The following UEVLD variants were observed in gnomAD, a reference collection of about 807,000 sequenced individuals.
The protein encoded by UEVLD is UEV and lactate/malate dehyrogenase domains.
A neutral mutation model predicts 58.6 loss-of-function variants in UEVLD; 47 were observed. The observed-to-expected ratio is 0.80, with a 90% CI of 0.63 to 1.02. The LOEUF (loss-of-function observed/expected upper bound fraction) is 1.02. Among genes scored for constraint, UEVLD ranks in the 50% least tolerant of loss-of-function variants. The pLI, the probability that UEVLD is intolerant of heterozygous loss-of-function variation, is 0.00. For synonymous variants in UEVLD, 197 were observed against 195.3 expected (o/e 1.01, Z -0.07); for missense variants, 510 against 550.6 (o/e 0.93, Z 0.74).
chr11:18,569,092 C>T (rs1852453996), intron 4 of UEVLD, among the ~76,000 whole-genome samples: 1 of 152,110 alleles, frequency 6.6e-6, no homozygotes, highest in South Asian at 2.1e-4. Context: ...GACAGGGTTT[C>T]ACTGCGTTAG....
intron 9 of UEVLD, among the ~76,000 whole-genome samples, chr11:18,541,096 G>A (rs35715013): frequency 2.0e-5 from 3 of 152,106 alleles, no homozygotes; most frequent in African/African-American, 7.2e-5. Context: ...TAGGGTAAGT[G>A]GTATATTTAT....
chr11:18,572,624 G>C (rs1200900029), intron 3 of UEVLD, among the ~76,000 whole-genome samples: 1 of 152,104 alleles, frequency 6.6e-6, no homozygotes, highest in Non-Finnish European at 1.5e-5. Flanking sequence ...GACCAACATG[G>C]AGAAACCTCA....
chr11:18,540,644 C>T (rs11024706), intron 9 of UEVLD, among the ~76,000 whole-genome samples: 24,498 of 152,168 alleles, frequency 0.16, 2,578 homozygotes, highest in East Asian at 0.41. Context: ...TGTTTTAACA[C>T]TGGCATTATG....
chr11:18,560,126 CACACACACACACAGAG>C (rs1199803531), intron 6 of UEVLD, among the ~76,000 whole-genome samples: 3 of 86,492 alleles, frequency 3.5e-5, no homozygotes, highest in Middle Eastern at 5.7e-3. Context: ...CACACACACA[CACACACACACACAGAG>C]AGAGAAAGAA....
rs1850499873 is a variant in UEVLD at position 18,529,911 on chromosome 11, A to C, written c.*2409T>G. 6.6e-6 allele frequency: 1 copy of C among 152,224 alleles called. No homozygotes were observed. The highest frequency in any genetic ancestry group is 2.1e-4 in the South Asian group (1 of 4,830). The allele number at this position is 152,224 out of a possible 1,614,324, so 9.4% of individuals were successfully genotyped here. On this transcript the variant is annotated 3_prime_UTR_variant, in exon 12 of 12. Coordinates refer to ENST00000396197, the MANE Select transcript of UEVLD (RefSeq NM_001040697.4). The stretch of plus-strand genomic sequence containing the variant: ...ACACTCAAGGAAATATCTGATACAG[A>C]GAATTACTTCTACATTGTGGCCTTC...
intron 8 of UEVLD, among the ~76,000 whole-genome samples, chr11:18,545,826 C>T (rs551824247): frequency 3.5e-4 from 53 of 152,160 alleles, no homozygotes; most frequent in African/African-American, 1.2e-3. Flanking sequence ...AAAACTGGTA[C>T]AAAAAACTAA....
At chr11:18,550,373 T>C (rs781387372) in intron 7 of UEVLD, among the ~76,000 whole-genome samples, 39 of 152,168 alleles carry the variant, frequency 2.6e-4, no homozygotes, top group Non-Finnish European at 4.7e-4. Flanking sequence ...TACCTAATTT[T>C]CCTGATACTG....
chr11:18,532,087 T>A lies in UEVLD; in HGVS notation c.*233A>T, dbSNP rs920613730. On this transcript the variant is annotated 3_prime_UTR_variant, in exon 12 of 12. Transcript: ENST00000396197. ...GATGAATGTTTACCCCTGCTGTAGA[T>A]TTAAAGAACAGCATAGATATCTCAA... is the stretch of plus-strand genomic sequence containing the variant. 6.2e-6 allele frequency: 2 copies of A among 320,834 alleles called. No homozygotes were observed. Among genetic ancestry groups the A allele is most frequent in the Non-Finnish European group, 1.1e-5 (2 of 178,208 alleles). 19.9% of individuals were successfully genotyped at this position (320,834 alleles called of 1,614,324 possible). A position where few individuals can be genotyped will look rare whatever the true frequency, so the allele number is the denominator to read the frequency against.
chr11:18,555,776 T>C (rs1331316943), intron 7 of UEVLD, among the ~76,000 whole-genome samples: 2 of 151,932 alleles, frequency 1.3e-5, no homozygotes, highest in African/African-American at 2.4e-5. Context: ...AGCAAGACCC[T>C]GTCTCTGCAA....
intron 6 of UEVLD, among the ~76,000 whole-genome samples, chr11:18,563,208 T>C (rs757120366): frequency 6.6e-6 from 1 of 152,224 alleles, no homozygotes; most frequent in Non-Finnish European, 1.5e-5. Context: ...AAATTAGTTC[T>C]GCCTTTCCAA....
chr11:18,551,464 G>A (rs371809064), intron 7 of UEVLD, among the ~76,000 whole-genome samples: 3 of 136,156 alleles, frequency 2.2e-5, no homozygotes, highest in Non-Finnish European at 3.3e-5. Context: ...AAGTTCATTC[G>A]ACAATAATGA....
At chr11:18,584,784 C>T (rs763685892) in intron 1 of UEVLD, among the ~76,000 whole-genome samples, 1 of 152,066 alleles carries the variant, frequency 6.6e-6, no homozygotes, top group Non-Finnish European at 1.5e-5. Flanking sequence ...AGGCCCATTG[C>T]AGGATGCCCG....
chr11:18,532,462 A>C lies in UEVLD; in HGVS notation c.1274T>G (p.Val425Gly). The C allele has an allele frequency of 6.2e-7, 1 of 1,611,914 alleles. No homozygotes were observed. The highest frequency in any genetic ancestry group is 1.3e-5 in the African/African-American group (1 of 74,940). The change falls in exon 12 of 12, where the codon GTG becomes GGG. Residue 425 changes from valine (V) to glycine (G), a missense_variant. By Grantham distance (109) the Val-to-Gly change is moderately radical (BLOSUM62 -3). Coordinates refer to ENST00000396197, the MANE Select transcript of UEVLD (RefSeq NM_001040697.4). Reference sequence around the variant, plus strand: ...AAGGATGCAAGGCAAACTTAAAAACACTTCACTATTTATATCATAATATCC... The same window carrying C: ...AAGGATGCAAGGCAAACTTAAAAACCCTTCACTATTTATATCATAATATCC... ...AKGYYDINSE[V>G]FLSLPCILGT...
At chr11:18,558,164 A>G in intron 7 of UEVLD, 64 bp downstream of exon 7, 2 of 1,208,284 alleles carry the variant, frequency 1.7e-6, no homozygotes, top group Non-Finnish European at 2.3e-6. Flanking sequence ...TTTCAGCATT[A>G]ACATTCTAGG....
intron 3 of UEVLD, among the ~76,000 whole-genome samples, chr11:18,575,105 A>T (rs1852832277): frequency 6.6e-6 from 1 of 152,150 alleles, no homozygotes; most frequent in Admixed American, 6.6e-5. Flanking sequence ...AACTCTTTTT[A>T]AGAGATCGAA....
chr11:18,573,977 A>G (rs930026626), intron 3 of UEVLD, among the ~76,000 whole-genome samples: 4 of 152,158 alleles, frequency 2.6e-5, no homozygotes, highest in African/African-American at 9.7e-5. Context: ...CTTTCAGTGT[A>G]TCTTCTGTTT....
At chr11:18,551,570 T>C (rs2133988455) in intron 7 of UEVLD, among the ~76,000 whole-genome samples, 1 of 152,294 alleles carries the variant, frequency 6.6e-6, no homozygotes, top group South Asian at 2.1e-4. Flanking sequence ...CTACTCTATA[T>C]ATCACACAAT....
In UEVLD at chr11:18,536,450, T is replaced by C; in HGVS notation, c.1080A>G (p.Gln360=). ...GEDKVLTWSG[Q]EEVVSHTSQV... is the part of the protein sequence containing the mutation. Reference sequence around the variant, plus strand: ...GAGAGGTATGACTCACTACTTCTTCTTGGCCACTCCATGTGAGCACTAAAA... The same window carrying C: ...GAGAGGTATGACTCACTACTTCTTCCTGGCCACTCCATGTGAGCACTAAAA... The change falls in exon 10 of 12, where the codon CAA becomes CAG. Residue 360 remains glutamine (Q), a synonymous_variant. Transcript: ENST00000396197. The C allele has an allele frequency of 6.2e-7, 1 of 1,613,884 alleles. No homozygotes were observed. The highest frequency in any genetic ancestry group is 8.5e-7 in the Non-Finnish European group (1 of 1,179,830).
In UEVLD at chr11:18,588,617, C is replaced by A; in HGVS notation, c.38G>T (p.Gly13Val). Residue 13 changes from glycine to valine, a missense_variant, in exon 1 of 12, where the codon GGC (glycine) becomes GTC (valine). Physicochemically the swap from Gly to Val is moderately radical, Grantham distance 109. Transcript: ENST00000396197. ...GGCCCAGCGGACTGCCCGCACCTTGCCAAGCAGCCGTCTCAGGCCCTCGCA... is the reference window on the plus strand; with the variant it reads ...GGCCCAGCGGACTGCCCGCACCTTGACAAGCAGCCGTCTCAGGCCCTCGCA... ...FDCEGLRRLL[G>V]KYKFRDLTVE... is the part of the protein sequence containing the mutation. 1 of 1,610,324 alleles carries A rather than the reference C, an allele frequency of 6.2e-7. No individual in the cohort carries two copies. Among genetic ancestry groups the A allele is most frequent in the Non-Finnish European group, 8.5e-7 (1 of 1,179,842 alleles).
Sources: gnomAD v4.1 joint callset for allele counts (sites outside exome capture counted in the v4.1 genomes callset) on GRCh38, gnomAD v4.1.1 for gene constraint, MANE v1.5 for transcripts, NCBI Gene and HGNC (gene_info 2026-07-23, HGNC 2026-07-21) for gene names.